The following ABTB3 variants were observed in gnomAD, a reference collection of about 807,000 sequenced individuals.
ABTB3 encodes ankyrin repeat- and BTB/POZ domain-containing protein 3.
chr12:107,397,610 T>A, the ABTB3 span, among the ~76,000 whole-genome samples: 1 of 152,212 alleles, frequency 6.6e-6, no homozygotes, highest in African/African-American at 2.4e-5. Flanking sequence ...TTGTACAGTT[T>A]AAAATTTTGT....
chr12:107,618,602 G>C, the ABTB3 span, among the ~76,000 whole-genome samples: 1 of 152,158 alleles, frequency 6.6e-6, no homozygotes, highest in Non-Finnish European at 1.5e-5. Context: ...CATCCTGCCT[G>C]CCCCAAAGAC....
chr12:107,580,016 C>T, the ABTB3 span, among the ~76,000 whole-genome samples: 1 of 152,294 alleles, frequency 6.6e-6, no homozygotes, highest in East Asian at 1.9e-4. Flanking sequence ...GACTTTAGAG[C>T]AGAGGTTCTT....
the ABTB3 span, among the ~76,000 whole-genome samples, chr12:107,453,092 T>C: frequency 6.6e-6 from 1 of 152,064 alleles, no homozygotes. Flanking sequence ...GGGAATCGCA[T>C]GTGTAAGGAC....
the ABTB3 span, among the ~76,000 whole-genome samples, chr12:107,579,458 C>A: frequency 6.6e-6 from 1 of 152,172 alleles, no homozygotes; most frequent in South Asian, 2.1e-4. Flanking sequence ...TTCTCCTGAT[C>A]AATGAAATGG....
At chr12:107,503,601 T>A in the ABTB3 span, among the ~76,000 whole-genome samples, 1 of 151,034 alleles carries the variant, frequency 6.6e-6, no homozygotes, top group Non-Finnish European at 1.5e-5. Flanking sequence ...ATACAAAAAA[T>A]CAAACATTAG....
the ABTB3 span, among the ~76,000 whole-genome samples, chr12:107,619,495 C>T: frequency 6.6e-6 from 1 of 152,150 alleles, no homozygotes; most frequent in East Asian, 1.9e-4. Flanking sequence ...ATGGGTTTCA[C>T]CAACTCTAAG....
the ABTB3 span, among the ~76,000 whole-genome samples, chr12:107,519,022 C>T: frequency 2.4e-3 from 360 of 152,330 alleles, 3 homozygotes; most frequent in African/African-American, 8.3e-3. Context: ...CAACCCCAAA[C>T]GCAGCACAAT....
chr12:107,628,285 G>T, the ABTB3 span, among the ~76,000 whole-genome samples: 3 of 152,158 alleles, frequency 2.0e-5, no homozygotes, highest in African/African-American at 4.8e-5. Context: ...AGATTAACAG[G>T]TGCCTGCCAC....
the ABTB3 span, among the ~76,000 whole-genome samples, chr12:107,409,273 C>G: frequency 6.6e-6 from 1 of 152,232 alleles, no homozygotes; most frequent in Admixed American, 6.5e-5. Flanking sequence ...TTGCAGGCTC[C>G]AGTGCACAGT....
At chr12:107,529,738 T>C in the ABTB3 span, among the ~76,000 whole-genome samples, 1 of 152,192 alleles carries the variant, frequency 6.6e-6, no homozygotes, top group African/African-American at 2.4e-5. Context: ...AATAACTCAC[T>C]TAAGGTCACT....
chr12:107,534,391 T>C, the ABTB3 span, among the ~76,000 whole-genome samples: 1 of 151,770 alleles, frequency 6.6e-6, no homozygotes. Flanking sequence ...CTTAAGGAAC[T>C]AGAAAAGCAA....
At chr12:107,592,369 A>G in the ABTB3 span, among the ~76,000 whole-genome samples, 1 of 152,356 alleles carries the variant, frequency 6.6e-6, no homozygotes, top group African/African-American at 2.4e-5. Flanking sequence ...TTGAAAAGAC[A>G]TAATTGTACT....
At chr12:107,650,855 C>T in the ABTB3 span, 1 of 152,192 alleles carries the variant, frequency 6.6e-6, no homozygotes, top group South Asian at 2.1e-4. Context: ...TTTCTGTATT[C>T]CTTCTCCACT....
At chr12:107,488,446 T>C in the ABTB3 span, among the ~76,000 whole-genome samples, 3 of 152,214 alleles carry the variant, frequency 2.0e-5, no homozygotes, top group South Asian at 2.1e-4. Context: ...ATCTACCTCA[T>C]TGGAAAGGTG....
the ABTB3 span, among the ~76,000 whole-genome samples, chr12:107,473,172 A>G: frequency 1.3e-5 from 2 of 152,156 alleles, no homozygotes; most frequent in African/African-American, 4.8e-5. Flanking sequence ...AGTGTAATAT[A>G]CATACAGAAA....
At chr12:107,415,043 C>A in the ABTB3 span, among the ~76,000 whole-genome samples, 1 of 152,090 alleles carries the variant, frequency 6.6e-6, no homozygotes, top group Non-Finnish European at 1.5e-5. Context: ...ACGCAGACTA[C>A]ACTCCCACCT....
At chr12:107,612,920 A>G in the ABTB3 span, 1 of 1,544,008 alleles carries the variant, frequency 6.5e-7, no homozygotes, top group East Asian at 2.3e-5. Flanking sequence ...CCCCAGGGGA[A>G]AGCGAGCAAG....
the ABTB3 span, chr12:107,617,582 C>T: frequency 2.5e-5 from 26 of 1,058,776 alleles, no homozygotes; most frequent in African/African-American, 2.4e-4. Context: ...CTGGCCAGAG[C>T]GACCCTACCT....
At chr12:107,331,507 G>T in the ABTB3 span, among the ~76,000 whole-genome samples, 2 of 152,182 alleles carry the variant, frequency 1.3e-5, no homozygotes, top group East Asian at 3.9e-4. Flanking sequence ...CCTTCCTTGG[G>T]CTTCCGGGGG....
Sources: gnomAD v4.1 joint callset for allele counts (sites outside exome capture counted in the v4.1 genomes callset) on GRCh38, gnomAD v4.1.1 for gene constraint, MANE v1.5 for transcripts, NCBI Gene and HGNC (gene_info 2026-07-23, HGNC 2026-07-21) for gene names.